RPTOR: variants seen among roughly 807,000 people sequenced by gnomAD.
The protein encoded by RPTOR is regulatory-associated protein of mTOR.
In RPTOR, 21 loss-of-function variants were observed where a neutral mutation model predicts 169.9. The observed-to-expected ratio is 0.12, with a 90% CI of 0.09 to 0.18. RPTOR has a LOEUF of 0.18. Ranked by LOEUF, RPTOR falls within the 10% of genes least tolerant of loss-of-function variation. The pLI is 1.00. For missense variants in RPTOR, 1,133 were observed against 1,855.9 expected (o/e 0.61, Z 7.16); for synonymous variants, 732 against 753.2 (o/e 0.97, Z 0.46).
intron 6 of RPTOR, among the ~76,000 whole-genome samples, chr17:80,761,724 T>C (rs546987201): frequency 2.0e-5 from 3 of 152,334 alleles, no homozygotes; most frequent in South Asian, 4.1e-4. Context: ...ACATCTGCTT[T>C]GCCAGAGAAC....
chr17:80,716,761 G>A (rs1259410229), intron 4 of RPTOR, among the ~76,000 whole-genome samples: 1 of 152,158 alleles, frequency 6.6e-6, no homozygotes, highest in Non-Finnish European at 1.5e-5. Context: ...TGAGAGATGA[G>A]GATCCAGTTT....
At chr17:80,768,344 T>C (rs1325788160) in intron 6 of RPTOR, among the ~76,000 whole-genome samples, 2 of 152,194 alleles carry the variant, frequency 1.3e-5, no homozygotes, top group Non-Finnish European at 2.9e-5. Flanking sequence ...CCAAAGACTT[T>C]TGTGAGAGTT....
intron 23 of RPTOR, chr17:80,923,948 T>G (rs2068780859): frequency 4.5e-6 from 2 of 448,378 alleles, no homozygotes; most frequent in South Asian, 4.5e-5. Flanking sequence ...GTGTCCCGGT[T>G]CTCCGCCCCT....
intron 1 of RPTOR, among the ~76,000 whole-genome samples, chr17:80,620,510 A>G (rs1342311480): frequency 6.6e-6 from 1 of 152,252 alleles, no homozygotes; most frequent in Non-Finnish European, 1.5e-5. Context: ...CACACCTATA[A>G]TCCCAGCACT....
chr17:80,905,342 T>C (rs2068527120), intron 20 of RPTOR, among the ~76,000 whole-genome samples: 2 of 151,970 alleles, frequency 1.3e-5, no homozygotes, highest in South Asian at 4.1e-4. Context: ...ATCCCAGCAC[T>C]TTGGGAGGCC....
chr17:80,846,554 C>G lies in RPTOR; in HGVS notation c.1294C>G (p.Gln432Glu). The G allele has an allele frequency of 6.2e-7, 1 of 1,614,216 alleles. No homozygotes were observed. The highest frequency in any genetic ancestry group is 8.5e-7 in the Non-Finnish European group (1 of 1,180,018). Reference sequence around the variant, plus strand: ...CGTGGAGAACCGAAACCCACCCGAACAGCTGCCCATCGTCCTGCAGGTGAG... The same window carrying G: ...CGTGGAGAACCGAAACCCACCCGAAGAGCTGCCCATCGTCCTGCAGGTGAG... ...MGVENRNPPE[Q>E]LPIVLQVLLS... Residue 432 changes from glutamine to glutamate, a missense_variant, in exon 11 of 34, where the codon CAG (glutamine) becomes GAG (glutamate). Physicochemically the swap from Gln to Glu is conservative, Grantham distance 29 (BLOSUM62 2). Coordinates refer to ENST00000306801, the MANE Select transcript of RPTOR (RefSeq NM_020761.3).
intron 3 of RPTOR, among the ~76,000 whole-genome samples, chr17:80,648,591 A>G (rs1051718317): frequency 7.2e-5 from 11 of 152,162 alleles, no homozygotes; most frequent in African/African-American, 2.4e-4. Context: ...CACTGCATGG[A>G]TGGCTTCTAA....
At chr17:80,587,015 T>G (rs572430107) in intron 1 of RPTOR, among the ~76,000 whole-genome samples, 2 of 152,232 alleles carry the variant, frequency 1.3e-5, no homozygotes, top group Non-Finnish European at 2.9e-5. Context: ...TTCTCGACCT[T>G]TGTAAGCTTC....
At chr17:80,579,169 C>G (rs966677243) in intron 1 of RPTOR, among the ~76,000 whole-genome samples, 10 of 152,060 alleles carry the variant, frequency 6.6e-5, no homozygotes, top group African/African-American at 2.4e-4. Context: ...CCTTCCTGAT[C>G]TTTTATTTAT....
chr17:80,955,923 G>A (rs748485563), intron 28 of RPTOR, among the ~76,000 whole-genome samples: 2 of 152,236 alleles, frequency 1.3e-5, no homozygotes, highest in Admixed American at 6.5e-5. Flanking sequence ...AAATGACGGG[G>A]TTAGTTGTAC....
At chr17:80,800,924 G>T (rs995162074) in intron 7 of RPTOR, among the ~76,000 whole-genome samples, 1 of 152,216 alleles carries the variant, frequency 6.6e-6, no homozygotes, top group Non-Finnish European at 1.5e-5. Flanking sequence ...ATCCATTGTC[G>T]TGAATAAGTG....
At chr17:80,572,861 C>T (rs1187521131) in intron 1 of RPTOR, among the ~76,000 whole-genome samples, 1 of 152,086 alleles carries the variant, frequency 6.6e-6, no homozygotes, top group African/African-American at 2.4e-5. Flanking sequence ...AAGGTTGGTG[C>T]TTTTTTTGCA....
At chr17:80,958,197 A>AACC (rs2069279220) in intron 29 of RPTOR, among the ~76,000 whole-genome samples, 1 of 31,344 alleles carries the variant, frequency 3.2e-5, no homozygotes, top group Non-Finnish European at 6.9e-5. Flanking sequence ...CTCCCACCTC[A>AACC]CCCCCCCCCC....
chr17:80,872,220 A>C (rs550669241), intron 13 of RPTOR, among the ~76,000 whole-genome samples: 1 of 152,342 alleles, frequency 6.6e-6, no homozygotes, highest in East Asian at 1.9e-4. Flanking sequence ...GTCATCAGCG[A>C]GGAGGTGCCG....
At chr17:80,665,369 TTTCC>T in intron 3 of RPTOR, among the ~76,000 whole-genome samples, 1 of 5,264 alleles carries the variant, frequency 1.9e-4, no homozygotes, top group East Asian at 5.7e-3. Context: ...TTTCCTTTCC[TTTCC>T]TTTCCTTTCC....
At chr17:80,786,933 C>T (rs2066998209) in intron 6 of RPTOR, among the ~76,000 whole-genome samples, 1 of 152,208 alleles carries the variant, frequency 6.6e-6, no homozygotes. Context: ...CCATATTTGG[C>T]CTCCTTTTAA....
chr17:80,736,984 T>C (rs370446173), intron 5 of RPTOR, among the ~76,000 whole-genome samples: 238 of 152,370 alleles, frequency 1.6e-3, no homozygotes, highest in African/African-American at 5.4e-3. Context: ...CTCATAGTTT[T>C]GTCATTTGTA....
Position 80,674,281 on chromosome 17 carries a change from C to T in RPTOR, c.348+30471C>T, listed in dbSNP as rs150244123. On this transcript the variant is annotated intron_variant, in intron 3 of 33. Coordinates refer to ENST00000306801, the MANE Select transcript of RPTOR (RefSeq NM_020761.3). ...TTGGGGCAAAATGTTTTTTGAAGTA[C>T]GTGCATAGTTTTTTTTCTTGAACAT... 2.5e-3 allele frequency among the ~76,000 whole-genome samples: 378 copies of T among 152,256 alleles called. 2 individuals are homozygous for T. The highest frequency in any genetic ancestry group is 8.9e-3 in the African/African-American group (368 of 41,544).
intron 10 of RPTOR, among the ~76,000 whole-genome samples, chr17:80,841,270 ACTCTCACCG>A (rs2067649466): frequency 9.9e-6 from 1 of 101,284 alleles, no homozygotes; most frequent in Non-Finnish European, 1.9e-5. Flanking sequence ...ACCGCAGCTC[ACTCTCACCG>A]CACGGCAGCT....
Sources: allele counts gnomAD v4.1 joint callset (sites outside exome capture counted in the v4.1 genomes callset), GRCh38; gene constraint gnomAD v4.1.1; transcripts MANE v1.5; gene names NCBI Gene and HGNC (gene_info 2026-07-23, HGNC 2026-07-21).